Variants in SYNRG observed in about 807,000 individuals in gnomAD.
SYNRG encodes the protein synergin gamma.
A neutral mutation model predicts 130.9 loss-of-function variants in SYNRG; 37 were observed. The observed-to-expected ratio is 0.28, with a 90% CI of 0.22 to 0.37. The LOEUF is 0.37. Among genes scored for constraint, SYNRG ranks in the 10% least tolerant of loss-of-function variants. SYNRG has a pLI of 1.00. For synonymous variants in SYNRG, 539 were observed against 568.1 expected (o/e 0.95, Z 0.73); for missense variants, 1,338 against 1,588.9 (o/e 0.84, Z 2.68).
rs1428858722 is a variant in SYNRG at position 37,609,357 on chromosome 17, T to C, written c.-2A>G. 27 of 1,444,214 alleles carry C rather than the reference T, an allele frequency of 1.9e-5. No individual in the cohort carries two copies. The highest frequency in any genetic ancestry group is 2.4e-5 in the Non-Finnish European group (26 of 1,104,604). 89.5% of individuals were successfully genotyped at this position (1,444,214 alleles called of 1,614,324 possible). ...ACCAGCTCCTGGCCGCAGCGCCATC[T>C]TGCTCCCGACCTGCCGCTGCCTTCG... On this transcript the variant is annotated 5_prime_UTR_variant, in exon 1 of 22. Transcript: ENST00000612223.
At chr17:37,538,930 A>T in intron 17 of SYNRG, 1 of 654,558 alleles carries the variant, frequency 1.5e-6, no homozygotes, top group Non-Finnish European at 1.9e-6. Flanking sequence ...ATTTTGATTT[A>T]GTCAGAGTTA....
At chr17:37,580,649 C>T (rs540089216) in intron 6 of SYNRG, among the ~76,000 whole-genome samples, 4 of 152,270 alleles carry the variant, frequency 2.6e-5, no homozygotes, top group African/African-American at 4.8e-5. Flanking sequence ...ATTCTTCTGC[C>T]TCAAACTCCC....
chr17:37,609,378 C>G lies in SYNRG; in HGVS notation c.-23G>C. ...CATCTTGCTCCCGACCTGCCGCTGC[C>G]TTCGCCGCCGCCACCTTATCAGCAG... On this transcript the variant is annotated 5_prime_UTR_variant, in exon 1 of 22. Coordinates refer to ENST00000612223, the MANE Select transcript of SYNRG (RefSeq NM_007247.6). The G allele has an allele frequency of 7.1e-7, 1 of 1,408,998 alleles. No individual in the cohort carries two copies. Among genetic ancestry groups the G allele is most frequent in the Non-Finnish European group, 9.2e-7 (1 of 1,085,692 alleles). 87.3% of individuals were successfully genotyped at this position (1,408,998 alleles called of 1,614,324 possible). A position where few individuals can be genotyped will look rare whatever the true frequency, so the allele number is the denominator to read the frequency against.
At chr17:37,593,228 C>T (rs1371685110) in intron 3 of SYNRG, among the ~76,000 whole-genome samples, 1 of 152,028 alleles carries the variant, frequency 6.6e-6, no homozygotes, top group South Asian at 2.1e-4. Context: ...GCCTGGCCAA[C>T]ACTATGAAAT....
At chr17:37,535,918 C>T (rs2057144726) in intron 19 of SYNRG, 61 bp downstream of exon 19, 2 of 1,601,874 alleles carry the variant, frequency 1.2e-6, no homozygotes, top group African/African-American at 1.3e-5. Context: ...AATATACACT[C>T]TGCTTTACAA....
At chr17:37,519,958 C>T (rs1568235211) in intron 21 of SYNRG, among the ~76,000 whole-genome samples, 1 of 152,150 alleles carries the variant, frequency 6.6e-6, no homozygotes, top group Non-Finnish European at 1.5e-5. Flanking sequence ...ATAACTGCAA[C>T]ACCAGAAGCC....
intron 11 of SYNRG, among the ~76,000 whole-genome samples, chr17:37,565,570 C>G (rs1360246533): frequency 6.6e-6 from 1 of 151,684 alleles, no homozygotes. Flanking sequence ...AGCGTCTCCG[C>G]CCGGCCGCCA....
rs2057809831 is a variant in SYNRG at position 37,542,075 on chromosome 17, T to C, written c.3099A>G (p.Lys1033=). 1.2e-6 allele frequency: 2 copies of C among 1,614,134 alleles called. No individual in the cohort carries two copies. Among genetic ancestry groups the C allele is most frequent in the East Asian group, 4.5e-5 (2 of 44,908 alleles). Residue 1033 remains lysine (K), a synonymous_variant, in exon 15 of 22, where the codon AAA becomes AAG. Coordinates refer to ENST00000612223, the MANE Select transcript of SYNRG (RefSeq NM_007247.6). The stretch of plus-strand genomic sequence containing the variant: ...CTACTAAGAAGTCAAATTTGCTGAT[T>C]TTGGGCTTTTCACTTTGAAACTCTC... The part of the protein sequence containing the change: ...DFGEFQSEKP[K]ISKFDFLVAT...
rs748349406 is a variant in SYNRG at position 37,520,619 on chromosome 17, G to A, written c.3696C>T (p.Ser1232=). The part of the protein sequence containing the change: ...TPDENSLDFS[S]CMLRPGIKNA... ...TTTTAATCCCAGGCCGTAACATACA[G>A]GAGGAAAAATCCAGCGAGTTTTCAT... Residue 1232 remains serine (S), a synonymous_variant, in exon 20 of 22, where the codon TCC becomes TCT. Coordinates refer to ENST00000612223, the MANE Select transcript of SYNRG (RefSeq NM_007247.6). The A allele has an allele frequency of 1.2e-6, 2 of 1,614,176 alleles. No individual in the cohort carries two copies. Among genetic ancestry groups the A allele is most frequent in the Non-Finnish European group, 1.7e-6 (2 of 1,180,030 alleles).
chr17:37,520,666 C>T lies in SYNRG; in HGVS notation c.3667-18G>A, dbSNP rs772645788. ...TCATCTGGCTGTGAGGACGACAAGA[C>T]AAATGGGTAAGAAGTCCACAAGTCC... On this transcript the variant is annotated intron_variant, in intron 19 of 21. Coordinates refer to ENST00000612223, the MANE Select transcript of SYNRG (RefSeq NM_007247.6). 1.2e-6 allele frequency: 2 copies of T among 1,607,436 alleles called. No individual in the cohort carries two copies. Among genetic ancestry groups the T allele is most frequent in the South Asian group, 1.1e-5 (1 of 90,934 alleles).
Position 37,553,950 on chromosome 17 carries a change from A to C in SYNRG, c.1773T>G (p.Phe591Leu). 1 of 1,609,806 alleles carries C rather than the reference A, an allele frequency of 6.2e-7. No individual in the cohort carries two copies. The highest frequency in any genetic ancestry group is 8.5e-7 in the Non-Finnish European group (1 of 1,179,230). Residue 591 changes from phenylalanine (F) to leucine (L), a missense_variant, in exon 14 of 22, where the codon TTT (phenylalanine) becomes TTG (leucine). Physicochemically the swap from Phe to Leu is conservative, Grantham distance 22. Coordinates refer to ENST00000612223, the MANE Select transcript of SYNRG (RefSeq NM_007247.6). Reference protein sequence around the residue: ...PLEPPTKDKTFPPSFPSGTIQ... With the variant: ...PLEPPTKDKTLPPSFPSGTIQ... ...TAGTTCCTGAGGGGAAGGATGGTGGAAAAGTTTTGTCTTTTGTTGGTGGCT... is the reference window on the plus strand; with the variant it reads ...TAGTTCCTGAGGGGAAGGATGGTGGCAAAGTTTTGTCTTTTGTTGGTGGCT...
In SYNRG at chr17:37,518,916, G is replaced by C. The variant is rs77708521; in HGVS notation, c.*24C>G. 5.6e-6 allele frequency: 9 copies of C among 1,604,550 alleles called. No homozygotes were observed. Among genetic ancestry groups the C allele is most frequent in the Non-Finnish European group, 7.7e-6 (9 of 1,175,796 alleles). On this transcript the variant is annotated 3_prime_UTR_variant, in exon 22 of 22. Transcript: ENST00000612223. ...CGTGGGGTGTCACAGAAAAAAAAAA[G>C]TCAATGCTTCACAGAGGAGTTGTTC...
chr17:37,521,033 CTTTT>C (rs66478744), intron 19 of SYNRG, among the ~76,000 whole-genome samples: 7 of 126,326 alleles, frequency 5.5e-5, no homozygotes, highest in African/African-American at 1.2e-4. Context: ...TTTTTCTTTT[CTTTT>C]TTTTTTTTTT....
chr17:37,561,013 T>C (rs1041646934), intron 13 of SYNRG, among the ~76,000 whole-genome samples, 182 bp downstream of exon 13: 2 of 152,164 alleles, frequency 1.3e-5, no homozygotes, highest in African/African-American at 2.4e-5. Context: ...ATACTTATAG[T>C]TTGAGTATCT....
chr17:37,565,659 C>T (rs1598383311), intron 11 of SYNRG, among the ~76,000 whole-genome samples: 1 of 151,898 alleles, frequency 6.6e-6, no homozygotes, highest in Non-Finnish European at 1.5e-5. Context: ...GCCCGGCCAC[C>T]CATCGTCTGA....
At chr17:37,529,638 G>T (rs1006434873) in intron 19 of SYNRG, 1 of 679,050 alleles carries the variant, frequency 1.5e-6, no homozygotes, top group Non-Finnish European at 2.4e-6. Flanking sequence ...TTGGGAAAAG[G>T]TACAAAAATG....
At chr17:37,565,190 G>C (rs2059835679) in intron 11 of SYNRG, among the ~76,000 whole-genome samples, 1 of 152,110 alleles carries the variant, frequency 6.6e-6, no homozygotes, top group Admixed American at 6.5e-5. Flanking sequence ...CTTGAACCTG[G>C]GAGGCAGAAG....
intron 14 of SYNRG, among the ~76,000 whole-genome samples, chr17:37,544,175 T>G (rs1167601013): frequency 6.6e-6 from 1 of 150,786 alleles, no homozygotes; most frequent in East Asian, 2.0e-4. Context: ...ACACTAGTTG[T>G]ACAAAAAACC....
Position 37,571,997 on chromosome 17 carries a change from G to T in SYNRG, c.902-10C>A. On this transcript the variant is annotated splice_polypyrimidine_tract_variant and intron_variant, in intron 8 of 21. Transcript: ENST00000612223. ...ATTTTCTTATAGGCATCTATTAAAG[G>T]AAAGACCAGATTACAAATGGAAACA... The T allele has an allele frequency of 1.2e-6, 2 of 1,600,916 alleles. No homozygotes were observed. The highest frequency in any genetic ancestry group is 1.7e-6 in the Non-Finnish European group (2 of 1,173,482).
Sources: allele counts gnomAD v4.1 joint callset (sites outside exome capture counted in the v4.1 genomes callset), GRCh38; gene constraint gnomAD v4.1.1; transcripts MANE v1.5; gene names NCBI Gene and HGNC (gene_info 2026-07-23, HGNC 2026-07-21).